Variants in DZIP1L observed in about 807,000 individuals in gnomAD.
The protein encoded by DZIP1L is cilium assembly protein DZIP1L.
DZIP1L carries 90 observed loss-of-function variants against 88.7 expected under a neutral mutation model. The ratio of observed to expected loss-of-function variants is 1.02; its 90% confidence interval spans 0.86 to 1.21. The LOEUF is 1.21. DZIP1L is among the 50% of genes most tolerant of loss of function. The pLI is 0.00. For synonymous variants in DZIP1L, 363 were observed against 372.1 expected, an observed-to-expected ratio of 0.98 and a Z score of 0.28; for missense variants, 932 against 955.8, an observed-to-expected ratio of 0.98 and a Z score of 0.33.
chr3:138,115,096 C>G (rs2042670808), intron 1 of DZIP1L, among the ~76,000 whole-genome samples: 2 of 152,232 alleles, frequency 1.3e-5, no homozygotes, highest in Admixed American at 1.3e-4. Context: ...CAGTTCGGAG[C>G]AGGCCGAGGG....
chr3:138,089,010 G>A, intron 5 of DZIP1L: 1 of 985,446 alleles, frequency 1.0e-6, no homozygotes, highest in Non-Finnish European at 1.2e-6. Flanking sequence ...TGTGTGACCT[G>A]AAGAAAAAGG....
At chr3:138,107,571 A>C (rs965606541) in intron 1 of DZIP1L, among the ~76,000 whole-genome samples, 6 of 152,208 alleles carry the variant, frequency 3.9e-5, no homozygotes, top group Non-Finnish European at 7.4e-5. Flanking sequence ...CCAGATTTGA[A>C]GTGTAATTGT....
chr3:138,070,872 C>T (rs1184347842), intron 12 of DZIP1L, among the ~76,000 whole-genome samples: 1 of 152,152 alleles, frequency 6.6e-6, no homozygotes, highest in African/African-American at 2.4e-5. Context: ...AGCCTCTCAC[C>T]ACAGCAGCCC....
chr3:138,076,746 G>C (rs900914516), intron 11 of DZIP1L, among the ~76,000 whole-genome samples: 1 of 152,052 alleles, frequency 6.6e-6, no homozygotes, highest in Non-Finnish European at 1.5e-5. Context: ...TGGACTTTGG[G>C]GATTTGGGGG....
At position 138,086,995 on chromosome 3, in the gene DZIP1L, T is replaced by C. The variant is rs771933156; in HGVS notation, c.1028A>G (p.Glu343Gly). 12 of 1,614,076 alleles carry C rather than the reference T, an allele frequency of 7.4e-6. No individual in the cohort carries two copies. The highest frequency in any genetic ancestry group is 9.3e-6 in the Non-Finnish European group (11 of 1,180,036). ...CTCAGCCATGTGCTCTTCATGCAGTTCCTTCACTTTTCTTTTCCACTCCGT... is the reference window on the plus strand; with the variant it reads ...CTCAGCCATGTGCTCTTCATGCAGTCCCTTCACTTTTCTTTTCCACTCCGT... ...QKTEWKRKVK[E>G]LHEEHMAEKK... Residue 343 changes from glutamate to glycine, a missense_variant, in exon 7 of 16, where the codon GAA becomes GGA. By Grantham distance (98) the Glu-to-Gly change is moderately conservative. Coordinates refer to ENST00000327532, the MANE Select transcript of DZIP1L (RefSeq NM_173543.3).
chr3:138,101,970 C>T (rs1469119086), intron 2 of DZIP1L: 32 of 1,535,682 alleles, frequency 2.1e-5, no homozygotes, highest in Middle Eastern at 2.1e-4. Flanking sequence ...AGCCTGGAGC[C>T]GGCTGATGTT....
chr3:138,076,162 T>A (rs1056240964), intron 11 of DZIP1L, among the ~76,000 whole-genome samples: 1 of 152,136 alleles, frequency 6.6e-6, no homozygotes, highest in Non-Finnish European at 1.5e-5. Context: ...AGAGTGGGGA[T>A]GGTCAGCATC....
intron 1 of DZIP1L, among the ~76,000 whole-genome samples, chr3:138,108,038 C>G (rs1228075577): frequency 2.0e-5 from 3 of 152,184 alleles, no homozygotes; most frequent in Non-Finnish European, 4.4e-5. Context: ...TGAAACAGTG[C>G]AGTGGCGCGA....
At chr3:138,072,391 G>C (rs749305314) in intron 11 of DZIP1L, among the ~76,000 whole-genome samples, 2 of 152,200 alleles carry the variant, frequency 1.3e-5, no homozygotes, top group Non-Finnish European at 2.9e-5. Flanking sequence ...GGTTAGAAAG[G>C]AATGTCTTAA....
intron 1 of DZIP1L, among the ~76,000 whole-genome samples, chr3:138,108,029 G>C (rs979749611): frequency 1.3e-5 from 2 of 152,186 alleles, no homozygotes; most frequent in Non-Finnish European, 2.9e-5. Flanking sequence ...GCCATGTTAT[G>C]AAACAGTGCA....
chr3:138,097,190 AAAAAG>A (rs976040573), intron 3 of DZIP1L, among the ~76,000 whole-genome samples: 9 of 152,228 alleles, frequency 5.9e-5, no homozygotes, highest in African/African-American at 1.2e-4. Context: ...TCAAAAAAAA[AAAAAG>A]AAAAGAAAAG....
At chr3:138,069,402 G>A (rs1943068822) in intron 12 of DZIP1L, among the ~76,000 whole-genome samples, 1 of 152,034 alleles carries the variant, frequency 6.6e-6, no homozygotes, top group Non-Finnish European at 1.5e-5. Flanking sequence ...TAAGTTTTGG[G>A]GCAGTCAAAA....
rs886425865 is a variant in DZIP1L at position 138,088,720 on chromosome 3, A to G, written c.871-213T>C. 1.4e-5 allele frequency: 17 copies of G among 1,232,866 alleles called. No individual in the cohort carries two copies. The African/African-American group carries it at 2.2e-4, about 16-fold the overall frequency. The allele number at this position is 1,232,866 out of a possible 1,614,324, so 76.4% of individuals were successfully genotyped here. A position where few individuals can be genotyped will look rare whatever the true frequency, so the allele number is the denominator to read the frequency against. On this transcript the variant is annotated intron_variant, in intron 5 of 15. Transcript: ENST00000327532. The stretch of plus-strand genomic sequence containing the variant: ...GCTCAGCCCTTGCATAGAAAAAGCA[A>G]TTCCATGGAAGAACAAATTAAAGAG...
chr3:138,081,883 G>T, intron 8 of DZIP1L, 119 bp from the exon 9 acceptor site: 3 of 1,029,696 alleles, frequency 2.9e-6, no homozygotes, highest in Non-Finnish European at 2.8e-6. Context: ...CATGACTCAC[G>T]TTGGGAACTG....
chr3:138,091,213 G>A (rs1944205518), intron 5 of DZIP1L, among the ~76,000 whole-genome samples: 1 of 152,036 alleles, frequency 6.6e-6, no homozygotes, highest in Non-Finnish European at 1.5e-5. Context: ...ATATCCAGTA[G>A]AAGAATAGGA....
intron 2 of DZIP1L, among the ~76,000 whole-genome samples, chr3:138,099,962 G>C (rs1481396119): frequency 6.6e-6 from 1 of 152,000 alleles, no homozygotes; most frequent in Non-Finnish European, 1.5e-5. Context: ...GTATGCTAAT[G>C]AAAGGACTGT....
rs1942814298 is a variant in DZIP1L at position 138,064,649 on chromosome 3, G to A, written c.2121C>T (p.Ala707=). Residue 707 remains alanine, a synonymous_variant, in exon 15 of 16, where the codon GCC becomes GCT. Transcript: ENST00000327532. ...CTACCTGAGGCTTCCTTCCTGGTGT[G>A]GCAGCCCTCTGTGGCCCAGCATTGG... The part of the protein sequence containing the change: ...FMPNAGPQRA[A]TPGRKPQLSE... 1 of 1,614,134 alleles carries A rather than the reference G, an allele frequency of 6.2e-7. No homozygotes were observed. Among genetic ancestry groups the A allele is most frequent in the Non-Finnish European group, 8.5e-7 (1 of 1,180,030 alleles).
At chr3:138,106,569 C>T (rs940647070) in intron 1 of DZIP1L, among the ~76,000 whole-genome samples, 2 of 151,932 alleles carry the variant, frequency 1.3e-5, no homozygotes, top group African/African-American at 4.8e-5. Flanking sequence ...CGCAGTGGCT[C>T]ACGCCTGTAA....
intron 14 of DZIP1L, among the ~76,000 whole-genome samples, 167 bp downstream of exon 14, chr3:138,067,364 T>C (rs143574622): frequency 6.0e-4 from 92 of 152,256 alleles, no homozygotes; most frequent in Admixed American, 1.9e-3. Context: ...CACAAAAAAA[T>C]ATCTGAGGCG....
Sources: gnomAD v4.1 joint callset for allele counts (sites outside exome capture counted in the v4.1 genomes callset) on GRCh38, gnomAD v4.1.1 for gene constraint, MANE v1.5 for transcripts, NCBI Gene and HGNC (gene_info 2026-07-23, HGNC 2026-07-21) for gene names.